Variants in STAG1 observed in about 807,000 individuals in gnomAD.
The protein encoded by STAG1 is cohesin subunit SA-1.
Under a neutral mutation model 170.9 loss-of-function variants are expected in STAG1, and 26 were observed. The ratio of observed to expected loss-of-function variants is 0.15; its 90% CI spans 0.11 to 0.21. The LOEUF (loss-of-function observed/expected upper bound fraction) is 0.21. STAG1 is among the 10% of genes least tolerant of loss of function. STAG1 has a pLI of 1.00. For missense variants in STAG1, 964 were observed against 1,509.5 expected (o/e 0.64, Z 5.99); for synonymous variants, 514 against 497.7 (o/e 1.03, Z -0.44).
intron 29 of STAG1, among the ~76,000 whole-genome samples, chr3:136,347,696 C>G (rs1936284545): frequency 6.6e-6 from 1 of 152,126 alleles, no homozygotes; most frequent in South Asian, 2.1e-4. Context: ...CTGACTGATG[C>G]TAGATAGATA....
At chr3:136,518,283 T>C (rs1934485177) in intron 7 of STAG1, 1 of 630,684 alleles carries the variant, frequency 1.6e-6, no homozygotes, top group Admixed American at 2.5e-5. Flanking sequence ...ATTTAAGCAA[T>C]GTCAAGGAGC....
rs1020848559 is a variant in STAG1 at position 136,380,550 on chromosome 3, T to G, written c.2278-2798A>C. ...CCACCGTGCCCAGCCAGGGATAATT[T>G]AGAATGAGGGCCTGAAAATAATATA... On this transcript the variant is annotated intron_variant, in intron 22 of 33. Coordinates refer to ENST00000383202, the MANE Select transcript of STAG1 (RefSeq NM_005862.3). 3.3e-5 allele frequency among the ~76,000 whole-genome samples: 5 copies of G among 152,010 alleles called. No individual in the cohort carries two copies. The East Asian group carries it at 9.7e-4, about 29-fold the overall frequency.
intron 5 of STAG1, among the ~76,000 whole-genome samples, chr3:136,543,817 T>C (rs1380867295): frequency 6.6e-6 from 1 of 152,258 alleles, no homozygotes; most frequent in East Asian, 1.9e-4. Context: ...TTAAATGAGA[T>C]AACAAATGTA....
intron 5 of STAG1, among the ~76,000 whole-genome samples, chr3:136,552,704 TG>T (rs947667019): frequency 1.3e-5 from 2 of 152,142 alleles, no homozygotes; most frequent in Non-Finnish European, 2.9e-5. Flanking sequence ...CCTCATACTC[TG>T]GGGAAAATAA....
intron 1 of STAG1, among the ~76,000 whole-genome samples, chr3:136,680,676 G>A (rs1299946386): frequency 6.6e-6 from 1 of 151,414 alleles, no homozygotes; most frequent in Non-Finnish European, 1.5e-5. Context: ...TATAAATTTT[G>A]TCCAAGATAA....
intron 22 of STAG1, among the ~76,000 whole-genome samples, chr3:136,398,223 T>C (rs2087223763): frequency 6.6e-6 from 1 of 152,124 alleles, no homozygotes; most frequent in South Asian, 2.1e-4. Flanking sequence ...GTTCAAGTGA[T>C]TCTCCTGCTT....
Position 136,491,776 on chromosome 3 carries a change from T to C in STAG1, c.902+8447A>G, listed in dbSNP as rs140509343. Among the ~76,000 whole-genome samples, 112 of 152,280 alleles carry C rather than the reference T, an allele frequency of 7.4e-4. No individual in the cohort carries two copies. In the East Asian group the frequency reaches 0.013, roughly 17 times the overall value. On this transcript the variant is annotated intron_variant, in intron 9 of 33. Coordinates refer to ENST00000383202, the MANE Select transcript of STAG1 (RefSeq NM_005862.3). ...GGGAGCCCGAGGCAGGAAGATCACCTGAGGTCAGGAGTTCAAGACCAGCCA... is the reference window on the plus strand; with the variant it reads ...GGGAGCCCGAGGCAGGAAGATCACCCGAGGTCAGGAGTTCAAGACCAGCCA...
rs534031559 is a variant in STAG1, at chr3:136,697,374, T to C, written c.-84+54821A>G. 1.4e-4 allele frequency among the ~76,000 whole-genome samples: 22 copies of C among 152,300 alleles called. No homozygotes were observed. The East Asian group carries it at 4.1e-3, about 28-fold the overall frequency. ...AGTTGTTCGAAATGCAAAATCTCAG[T>C]TCCCACCCGACCAACTGAATCACAC... On this transcript the variant is annotated intron_variant, in intron 1 of 33. Transcript: ENST00000383202.
chr3:136,375,976 A>C (rs1355040703), intron 23 of STAG1, among the ~76,000 whole-genome samples: 1 of 139,086 alleles, frequency 7.2e-6, no homozygotes, highest in East Asian at 2.4e-4. Context: ...CTCAAAATAA[A>C]TAAATAAATA....
chr3:136,736,374 A>C (rs1934334480), intron 1 of STAG1: 8 of 750,954 alleles, frequency 1.1e-5, no homozygotes, highest in Non-Finnish European at 1.6e-5. Context: ...GTATTGAAAA[A>C]ATGGACTGAA....
intron 21 of STAG1, among the ~76,000 whole-genome samples, chr3:136,402,519 CT>C (rs1029509170): frequency 1.3e-5 from 2 of 151,968 alleles, no homozygotes; most frequent in Admixed American, 1.3e-4. Context: ...CCCGGCCTAG[CT>C]GATTTTACTT....
intron 1 of STAG1, among the ~76,000 whole-genome samples, chr3:136,714,938 AATATATAT>A (rs71714671): frequency 1.1e-3 from 110 of 95,718 alleles, no homozygotes; most frequent in Middle Eastern, 0.013. Flanking sequence ...ATATATATTA[AATATATAT>A]ATATATATAT....
chr3:136,751,677 A>T (rs1462869819), intron 1 of STAG1, among the ~76,000 whole-genome samples: 1 of 151,966 alleles, frequency 6.6e-6, no homozygotes, highest in Admixed American at 6.5e-5. Context: ...CGCTGAAATG[A>T]ACTCGTTGTC....
chr3:136,598,421 C>T (rs1350795674), intron 4 of STAG1, among the ~76,000 whole-genome samples: 1 of 151,136 alleles, frequency 6.6e-6, no homozygotes, highest in Non-Finnish European at 1.5e-5. Context: ...TTTAATACAA[C>T]CTTTTTTTTT....
chr3:136,740,872 A>G (rs1934633067), intron 1 of STAG1, among the ~76,000 whole-genome samples: 2 of 152,226 alleles, frequency 1.3e-5, no homozygotes, highest in African/African-American at 4.8e-5. Flanking sequence ...GATAACATAT[A>G]ACCATAGAGA....
At chr3:136,448,736 C>G (rs2088854621) in intron 14 of STAG1, among the ~76,000 whole-genome samples, 1 of 152,120 alleles carries the variant, frequency 6.6e-6, no homozygotes, top group Non-Finnish European at 1.5e-5. Context: ...GTCAGGAGTT[C>G]AAGACCAGCC....
chr3:136,361,941 T>C (rs941931425), intron 26 of STAG1, among the ~76,000 whole-genome samples: 5 of 151,752 alleles, frequency 3.3e-5, no homozygotes, highest in African/African-American at 1.2e-4. Context: ...TTATGTTATA[T>C]ATAATTAATG....
chr3:136,666,059 A>G lies in STAG1; in HGVS notation c.-83-35078T>C, dbSNP rs1398236017. On this transcript the variant is annotated intron_variant, in intron 1 of 33. Coordinates refer to ENST00000383202, the MANE Select transcript of STAG1 (RefSeq NM_005862.3). ...CACTGCACTCCAGCCTGGGCGATAG[A>G]GTGAGACTCCATCTCAAAAAAAAAA... Among the ~76,000 whole-genome samples, 7 of 115,402 alleles carry G rather than the reference A, an allele frequency of 6.1e-5. 1 individual carries two copies. In the East Asian group the frequency reaches 1.4e-3, roughly 23 times the overall value. The allele number at this position is 115,402 out of a possible 152,430, so 75.7% of individuals were successfully genotyped here. A position where few individuals can be genotyped will look rare whatever the true frequency, so the allele number is the denominator to read the frequency against.
intron 1 of STAG1, among the ~76,000 whole-genome samples, chr3:136,677,496 T>C (rs1243929836): frequency 6.6e-6 from 1 of 152,210 alleles, no homozygotes; most frequent in Non-Finnish European, 1.5e-5. Context: ...GTCTGAATGT[T>C]GGTATCCTGC....
Sources: gnomAD v4.1 joint callset for allele counts (sites outside exome capture counted in the v4.1 genomes callset) on GRCh38, gnomAD v4.1.1 for gene constraint, MANE v1.5 for transcripts, NCBI Gene and HGNC (gene_info 2026-07-23, HGNC 2026-07-21) for gene names.